The following NFE2L2 variants were observed in gnomAD, a reference collection of about 807,000 sequenced individuals.
NFE2L2 encodes the protein NFE2 like bZIP transcription factor 2.
A neutral mutation model predicts 49.6 loss-of-function variants in NFE2L2; 20 were observed. The observed-to-expected ratio is 0.40, with a 90% CI of 0.28 to 0.59. The LOEUF is 0.59. NFE2L2 is among the 20% of genes least tolerant of loss of function. The pLI is 0.40. For synonymous variants in NFE2L2, 244 were observed against 256.5 expected (o/e 0.95, Z 0.47); for missense variants, 578 against 714.2 (o/e 0.81, Z 2.17).
intron 1 of NFE2L2, among the ~76,000 whole-genome samples, chr2:177,243,452 C>T (rs1682339427): frequency 6.6e-6 from 1 of 152,180 alleles, no homozygotes; most frequent in Non-Finnish European, 1.5e-5. Context: ...GATCCTTTAC[C>T]CTCTCTTTTG....
At chr2:177,238,415 C>A (rs1454894751) in intron 1 of NFE2L2, among the ~76,000 whole-genome samples, 1 of 152,198 alleles carries the variant, frequency 6.6e-6, no homozygotes, top group East Asian at 1.9e-4. Flanking sequence ...CCTTTCCCCC[C>A]CTTTTCCTTC....
intron 1 of NFE2L2, among the ~76,000 whole-genome samples, chr2:177,256,631 A>T (rs1690536164): frequency 6.6e-6 from 1 of 152,152 alleles, no homozygotes; most frequent in African/African-American, 2.4e-5. Flanking sequence ...TACACCATTC[A>T]ATACGAAACT....
intron 1 of NFE2L2, among the ~76,000 whole-genome samples, chr2:177,243,385 C>G (rs1221536527): frequency 6.6e-6 from 1 of 152,214 alleles, no homozygotes; most frequent in Non-Finnish European, 1.5e-5. Flanking sequence ...CACAATCCAG[C>G]ACATTCACAC....
intron 1 of NFE2L2, among the ~76,000 whole-genome samples, chr2:177,260,108 G>A (rs1351718291): frequency 6.6e-6 from 1 of 152,174 alleles, no homozygotes; most frequent in Non-Finnish European, 1.5e-5. Context: ...TTAAAAGCAG[G>A]TAGCAGTGAA....
rs371815086 is a variant in NFE2L2, at chr2:177,231,493, T to C, written c.1110A>G (p.Leu370=). The C allele has an allele frequency of 2.5e-6, 4 of 1,614,248 alleles. No individual in the cohort carries two copies. Among genetic ancestry groups the C allele is most frequent in the Non-Finnish European group, 1.7e-6 (2 of 1,180,040 alleles). ...SVESSSYGDT[L]LGLSDSEVEE... is the part of the protein sequence containing the mutation. ...CCACTTCAGAATCACTGAGGCCAAG[T>C]AGTGTGTCTCCATAGCTGGAAGATT... is the stretch of plus-strand genomic sequence containing the variant. Residue 370 remains leucine (L), a synonymous_variant, in exon 5 of 5, where the codon CTA becomes CTG. Transcript: ENST00000397062.
intron 1 of NFE2L2, among the ~76,000 whole-genome samples, chr2:177,242,899 G>A (rs369690672): frequency 4.9e-5 from 7 of 143,902 alleles, no homozygotes; most frequent in Non-Finnish European, 7.7e-5. Flanking sequence ...AGGAGGTTTT[G>A]TTTTTTTTTT....
chr2:177,243,040 A>C (rs1337083846), intron 1 of NFE2L2, among the ~76,000 whole-genome samples: 3 of 151,930 alleles, frequency 2.0e-5, no homozygotes, highest in African/African-American at 7.3e-5. Context: ...AAATTTTTCT[A>C]ATCTCTTCCC....
At chr2:177,259,740 G>A (rs1202134799) in intron 1 of NFE2L2, among the ~76,000 whole-genome samples, 1 of 152,104 alleles carries the variant, frequency 6.6e-6, no homozygotes, top group African/African-American at 2.4e-5. Flanking sequence ...AGATCATCCT[G>A]GCTAACACAG....
At chr2:177,236,627 C>T (rs1689760454) in intron 1 of NFE2L2, among the ~76,000 whole-genome samples, 1 of 152,132 alleles carries the variant, frequency 6.6e-6, no homozygotes, top group Non-Finnish European at 1.5e-5. Flanking sequence ...AAGACACATA[C>T]CCAGGCAGCT....
At position 177,255,108 on chromosome 2, in the gene NFE2L2, G is replaced by A. The variant is rs80240774; in HGVS notation, c.45+9424C>T. Among the ~76,000 whole-genome samples the A allele has an allele frequency of 4.6e-5, 7 of 152,300 alleles. No homozygotes were observed. The East Asian group carries it at 1.2e-3, about 25-fold the overall frequency. ...CACAGAGCAAGAGCCGCATACTCCC[G>A]GGGACCCAGACTTCCAAGAGTCCTG... On this transcript the variant is annotated intron_variant, in intron 1 of 4. Coordinates refer to ENST00000397062, the MANE Select transcript of NFE2L2 (RefSeq NM_006164.5).
intron 1 of NFE2L2, among the ~76,000 whole-genome samples, chr2:177,243,613 C>T (rs996951301): frequency 9.2e-5 from 14 of 152,124 alleles, no homozygotes. Flanking sequence ...TTCTAATTCC[C>T]AGGCTCAAGT....
intron 1 of NFE2L2, among the ~76,000 whole-genome samples, chr2:177,239,002 A>G (rs1689855330): frequency 6.6e-6 from 1 of 152,220 alleles, no homozygotes; most frequent in Admixed American, 6.5e-5. Context: ...ATACACACAC[A>G]CACATTCAAT....
In NFE2L2 at chr2:177,230,600, A is replaced by G; in HGVS notation, c.*185T>C. 1.6e-6 allele frequency: 1 copy of G among 612,266 alleles called. No homozygotes were observed. 37.9% of individuals were successfully genotyped at this position (612,266 alleles called of 1,614,324 possible). The stretch of plus-strand genomic sequence containing the variant: ...TAAGAAATTGTTTACAGTTAAAGTG[A>G]AACTACTGATTCAACATACTGACAC... On this transcript the variant is annotated 3_prime_UTR_variant, in exon 5 of 5. Coordinates refer to ENST00000397062, the MANE Select transcript of NFE2L2 (RefSeq NM_006164.5).
chr2:177,232,908 C>A, intron 3 of NFE2L2: 1 of 472,078 alleles, frequency 2.1e-6, no homozygotes, highest in South Asian at 3.8e-5. Context: ...CTGAACAAGT[C>A]TTCGTTTATT....
At position 177,231,639 on chromosome 2, in the gene NFE2L2, G is replaced by A. The variant is rs767061456; in HGVS notation, c.964C>T (p.Leu322=). The A allele has an allele frequency of 6.2e-7, 1 of 1,614,202 alleles. No homozygotes were observed. Among genetic ancestry groups the A allele is most frequent in the Non-Finnish European group, 8.5e-7 (1 of 1,180,024 alleles). The change falls in exon 5 of 5, where the codon CTA becomes TTA. Residue 322 remains leucine (L), a synonymous_variant. Transcript: ENST00000397062. ...TGGTTGAAAGCTTTGCAAAGTGATA[G>A]ATCAGAAACATCAATGGGCCCATTT... ...LLNGPIDVSD[L]SLCKAFNQNH...
intron 1 of NFE2L2, among the ~76,000 whole-genome samples, chr2:177,253,958 C>G (rs753957726): frequency 6.6e-6 from 1 of 152,174 alleles, no homozygotes; most frequent in South Asian, 2.1e-4. Context: ...TTCCCTCAGG[C>G]TGATGGTCAG....
intron 1 of NFE2L2, among the ~76,000 whole-genome samples, chr2:177,238,539 T>C (rs1328678855): frequency 6.6e-6 from 1 of 152,246 alleles, no homozygotes; most frequent in Non-Finnish European, 1.5e-5. Context: ...ACGTGAAAAG[T>C]ATCTCTCTAT....
In NFE2L2 at chr2:177,264,448, G is replaced by T. The variant is rs532164541; in HGVS notation, c.45+84C>A. On this transcript the variant is annotated intron_variant, in intron 1 of 4. Transcript: ENST00000397062. The stretch of plus-strand genomic sequence containing the variant: ...GCCAGACGTGGGGGAAGCCGGTTGC[G>T]GCTGTCCCTCCCGGGCCGCGGTTCC... The T allele has an allele frequency of 5.0e-6, 7 of 1,399,396 alleles. No individual in the cohort carries two copies. The African/African-American group carries it at 9.0e-5, about 18-fold the overall frequency. The allele number at this position is 1,399,396 out of a possible 1,614,324, so 86.7% of individuals were successfully genotyped here. A position where few individuals can be genotyped will look rare whatever the true frequency, so the allele number is the denominator to read the frequency against.
At chr2:177,256,544 T>C (rs571157373) in intron 1 of NFE2L2, among the ~76,000 whole-genome samples, 4 of 116,820 alleles carry the variant, frequency 3.4e-5, no homozygotes, top group African/African-American at 9.6e-5. Context: ...AATGAGAAAA[T>C]GCAAGAAGTG....
Sources: gnomAD v4.1 joint callset for allele counts (sites outside exome capture counted in the v4.1 genomes callset) on GRCh38, gnomAD v4.1.1 for gene constraint, MANE v1.5 for transcripts, NCBI Gene and HGNC (gene_info 2026-07-23, HGNC 2026-07-21) for gene names.